The following INTS4 variants were observed in gnomAD, a reference collection of about 807,000 sequenced individuals.
INTS4 encodes integrator complex subunit 4, also known as MSTP093.
A neutral mutation model predicts 119.5 loss-of-function variants in INTS4; 70 were observed. The observed-to-expected ratio is 0.59, with a 90% confidence interval of 0.48 to 0.71. The LOEUF is 0.71. Among genes scored for constraint, INTS4 ranks in the 30% least tolerant of loss-of-function variants. INTS4 has a pLI of 0.00. For synonymous variants in INTS4, 316 were observed against 419.6 expected (o/e 0.75, Z 3.02); for missense variants, 867 against 1,173.2 (o/e 0.74, Z 3.81).
At chr11:77,932,024 G>A (rs1232208635) in intron 10 of INTS4, among the ~76,000 whole-genome samples, 14 of 152,126 alleles carry the variant, frequency 9.2e-5, no homozygotes, top group Non-Finnish European at 1.5e-5. Flanking sequence ...CAGGACATAG[G>A]CATGGGCAAA....
chr11:77,970,589 G>T (rs567312088), intron 4 of INTS4, among the ~76,000 whole-genome samples: 2 of 152,042 alleles, frequency 1.3e-5, no homozygotes, highest in Non-Finnish European at 2.9e-5. Flanking sequence ...AGCACTTTGG[G>T]AGGCTGAGGC....
At chr11:77,975,826 C>A (rs956344900) in intron 4 of INTS4, among the ~76,000 whole-genome samples, 8 of 151,726 alleles carry the variant, frequency 5.3e-5, no homozygotes, top group African/African-American at 1.9e-4. Context: ...CGTGGTGGCA[C>A]GCACCTGTAG....
chr11:77,953,068 A>G (rs1443476434), intron 8 of INTS4, among the ~76,000 whole-genome samples: 3 of 152,248 alleles, frequency 2.0e-5, no homozygotes, highest in Admixed American at 1.3e-4. Context: ...TATGCACAAG[A>G]GTGGAAATAC....
intron 14 of INTS4, among the ~76,000 whole-genome samples, chr11:77,920,116 G>C (rs2136476611): frequency 6.8e-6 from 1 of 147,572 alleles, no homozygotes. Flanking sequence ...GCCTCATTTT[G>C]TATTTTCTAT....
intron 9 of INTS4, among the ~76,000 whole-genome samples, chr11:77,939,416 C>T (rs1352739815): frequency 1.3e-5 from 2 of 152,128 alleles, no homozygotes; most frequent in African/African-American, 4.8e-5. Flanking sequence ...TGCACTCCAG[C>T]CTGGCGACAG....
chr11:77,964,930 CATAGTT>C (rs1304032105), intron 4 of INTS4, among the ~76,000 whole-genome samples: 9 of 152,074 alleles, frequency 5.9e-5, no homozygotes, highest in African/African-American at 2.2e-4. Flanking sequence ...TTATTATAGT[CATAGTT>C]ATATATATTT....
chr11:77,922,008 G>A (rs1953373634), intron 13 of INTS4, among the ~76,000 whole-genome samples: 2 of 151,976 alleles, frequency 1.3e-5, no homozygotes, highest in South Asian at 4.2e-4. Context: ...TCCAGCCCAA[G>A]CAACAGGTTA....
At chr11:77,992,833 T>C (rs150827660) in intron 1 of INTS4, among the ~76,000 whole-genome samples, 2 of 152,348 alleles carry the variant, frequency 1.3e-5, no homozygotes, top group East Asian at 1.9e-4. Context: ...TTATTATACG[T>C]ATATGTAAGT....
At chr11:77,960,235 A>G (rs12796422) in intron 6 of INTS4, 106 bp downstream of exon 6, 269,410 of 723,548 alleles carry the variant, frequency 0.37, 51,818 homozygotes, top group African/African-American at 0.44. Flanking sequence ...CGCTGCCACT[A>G]TTAACTAGCG....
intron 4 of INTS4, among the ~76,000 whole-genome samples, chr11:77,971,337 G>C (rs1483057444): frequency 6.6e-6 from 1 of 151,774 alleles, no homozygotes; most frequent in Non-Finnish European, 1.5e-5. Context: ...GGTTGTAAGA[G>C]TTCCTTAGAT....
At chr11:77,942,188 G>A (rs1260515214) in intron 8 of INTS4, among the ~76,000 whole-genome samples, 1 of 152,180 alleles carries the variant, frequency 6.6e-6, no homozygotes, top group Non-Finnish European at 1.5e-5. Flanking sequence ...ACTAGTAAGG[G>A]AAACTGACAA....
At chr11:77,934,532 TTTC>T (rs1205154315) in intron 10 of INTS4, among the ~76,000 whole-genome samples, 3 of 152,298 alleles carry the variant, frequency 2.0e-5, no homozygotes, top group Admixed American at 6.5e-5. Context: ...TTACGGATGT[TTTC>T]TTCTTTTCAA....
intron 18 of INTS4, among the ~76,000 whole-genome samples, chr11:77,895,557 A>T (rs1036870241): frequency 1.7e-5 from 2 of 117,408 alleles, no homozygotes; most frequent in African/African-American, 6.5e-5. Flanking sequence ...AAAAAAAAAA[A>T]GTAGCACTTG....
chr11:77,937,583 A>C (rs1011986451), intron 10 of INTS4, among the ~76,000 whole-genome samples: 14 of 152,098 alleles, frequency 9.2e-5, no homozygotes, highest in Non-Finnish European at 1.6e-4. Context: ...GTCTCTACAA[A>C]AAATTAAAAA....
Position 77,918,916 on chromosome 11 carries a change from A to T in INTS4, c.1827T>A (p.Pro609=). The change falls in exon 15 of 23, where the codon CCT becomes CCA. Residue 609 remains proline, a synonymous_variant. Coordinates refer to ENST00000534064, the MANE Select transcript of INTS4 (RefSeq NM_033547.4). The part of the protein sequence containing the change: ...VSPSIIPQED[P]SQQFLQQSLE... Reference sequence around the variant, plus strand: ...GGCTCTGCTGCAGGAACTGCTGGGAAGGATCCTCTTGAGGTATGATGCTGG... The same window carrying T: ...GGCTCTGCTGCAGGAACTGCTGGGATGGATCCTCTTGAGGTATGATGCTGG... The T allele has an allele frequency of 6.2e-7, 1 of 1,613,900 alleles. No individual in the cohort carries two copies. The highest frequency in any genetic ancestry group is 8.5e-7 in the Non-Finnish European group (1 of 1,179,836).
Position 77,979,977 on chromosome 11 carries a change from C to CAA in INTS4, c.365-877_365-876dup, listed in dbSNP as rs1254017443. 5.4e-3 allele frequency among the ~76,000 whole-genome samples: 224 copies of CAA among 41,630 alleles called. 4 individuals carry two copies. The highest frequency in any genetic ancestry group is 0.018 in the African/African-American group (209 of 11,840). The allele number at this position is 41,630 out of a possible 152,430, so 27.3% of individuals were successfully genotyped here. On this transcript the variant is annotated intron_variant, in intron 3 of 22. Coordinates refer to ENST00000534064, the MANE Select transcript of INTS4 (RefSeq NM_033547.4). ...TAGGCGACAGAGCAAGACTCCATCT[C>CAA]AAAAAAAAAAAAAAAAAGAAGAAAC...
chr11:77,917,488 A>G (rs967513682), intron 15 of INTS4, among the ~76,000 whole-genome samples: 7 of 151,242 alleles, frequency 4.6e-5, no homozygotes, highest in Admixed American at 4.6e-4. Context: ...TAATTTTTGT[A>G]TTTTTAGTAG....
intron 4 of INTS4, among the ~76,000 whole-genome samples, chr11:77,970,153 T>C (rs1417224171): frequency 6.6e-6 from 1 of 152,050 alleles, no homozygotes; most frequent in Non-Finnish European, 1.5e-5. Context: ...TCCCAGCACT[T>C]TGGGAGGCTG....
chr11:77,974,166 T>C (rs1855848851), intron 4 of INTS4, among the ~76,000 whole-genome samples: 1 of 151,966 alleles, frequency 6.6e-6, no homozygotes, highest in South Asian at 2.1e-4. Context: ...TCATTTTCAG[T>C]AGTTTTTGTC....
Sources: gnomAD v4.1 joint callset for allele counts (sites outside exome capture counted in the v4.1 genomes callset) on GRCh38, gnomAD v4.1.1 for gene constraint, MANE v1.5 for transcripts, NCBI Gene and HGNC (gene_info 2026-07-23, HGNC 2026-07-21) for gene names.